TTC7A: variants seen among roughly 807,000 people sequenced by gnomAD.
The protein encoded by TTC7A is tetratricopeptide repeat protein 7A.
TTC7A carries 110 observed loss-of-function variants against 103.7 expected under a neutral mutation model. The ratio of observed to expected loss-of-function variants is 1.06; its 90% CI spans 0.91 to 1.24. The LOEUF is 1.24. Ranked by LOEUF, TTC7A falls within the 50% of genes most tolerant of loss-of-function variation. The pLI, the probability that TTC7A is intolerant of heterozygous loss-of-function variation, is 0.00. For missense variants in TTC7A, 1,340 were observed against 1,116.3 expected, an observed-to-expected ratio of 1.20 and a Z score of -2.86; for synonymous variants, 521 against 467.9, an observed-to-expected ratio of 1.11 and a Z score of -1.47.
rs186874937 is a variant in TTC7A at position 47,031,476 on chromosome 2, C to G, written c.1802+2092C>G. Among the ~76,000 whole-genome samples the G allele has an allele frequency of 7.9e-4, 120 of 152,184 alleles. 1 individual carries two copies. The highest frequency in any genetic ancestry group is 2.7e-3 in the African/African-American group (113 of 41,526). The stretch of plus-strand genomic sequence containing the variant: ...ACTTCAGTTAGGCTTCATCGGAAAC[C>G]GAAATGGCCAAGCAGAAAGATTTAG... On this transcript the variant is annotated intron_variant, in intron 15 of 19. Transcript: ENST00000319190.
upstream of TTC7A, among the ~76,000 whole-genome samples, chr2:46,940,771 C>T (rs2103878736): frequency 6.6e-6 from 1 of 152,344 alleles, no homozygotes; most frequent in Non-Finnish European, 1.5e-5. The surrounding 1 kb of genome is among the most constrained non-coding windows in gnomAD (Gnocchi z 4.7). Context: ...GCGAGCATGC[C>T]TGGCCCGCAT....
At chr2:46,992,408 C>A (rs1331755562) in intron 5 of TTC7A, among the ~76,000 whole-genome samples, 1 of 152,154 alleles carries the variant, frequency 6.6e-6, no homozygotes, top group African/African-American at 2.4e-5. Context: ...GAGGAGGTGA[C>A]ATTGGAACTT....
intron 14 of TTC7A, among the ~76,000 whole-genome samples, chr2:47,028,131 G>A (rs1001115831): frequency 2.0e-5 from 3 of 152,102 alleles, no homozygotes; most frequent in Non-Finnish European, 2.9e-5. Context: ...GTGTTGTGTT[G>A]TGCTGAGAAT....
At chr2:47,061,820 C>T (rs1439472373) in intron 19 of TTC7A, among the ~76,000 whole-genome samples, 1 of 151,992 alleles carries the variant, frequency 6.6e-6, no homozygotes. Context: ...GAACATGTAT[C>T]CGGATAAATA....
At chr2:46,995,094 G>A in intron 7 of TTC7A, 42 bp from the exon 8 acceptor site, 1 of 1,603,004 alleles carries the variant, frequency 6.2e-7, no homozygotes, top group Non-Finnish European at 8.5e-7. Flanking sequence ...GCTGTCTGGT[G>A]AGGTGTGTGC....
At chr2:47,073,644 C>G (rs1352087852) in intron 19 of TTC7A, 58 bp from the exon 20 acceptor site, 6 of 1,517,346 alleles carry the variant, frequency 4.0e-6, no homozygotes, top group Non-Finnish European at 5.5e-6. Flanking sequence ...GGCCCAGTTG[C>G]CAAGATGCCT....
intron 14 of TTC7A, among the ~76,000 whole-genome samples, chr2:47,026,291 A>T (rs1326221835): frequency 6.6e-6 from 1 of 152,218 alleles, no homozygotes; most frequent in Non-Finnish European, 1.5e-5. Context: ...GCTCTAGCAG[A>T]GTCACCAGCA....
At chr2:47,034,554 G>A (rs1023678078) in intron 15 of TTC7A, among the ~76,000 whole-genome samples, 2 of 152,288 alleles carry the variant, frequency 1.3e-5, no homozygotes, top group East Asian at 1.9e-4. Context: ...TTGTAGTGAA[G>A]GTCACCATAG....
chr2:46,943,098 G>A lies in TTC7A; in HGVS notation c.184+1373G>A, dbSNP rs571415307. 5.3e-5 allele frequency among the ~76,000 whole-genome samples: 8 copies of A among 152,226 alleles called. No homozygotes were observed. The South Asian group carries it at 1.7e-3, about 32-fold the overall frequency. ...TTTTTGCAGTTTTAGTAGAGACGGG[G>A]TTTCGCCATGTTGCCCAGGCTGATC... On this transcript the variant is annotated intron_variant, in intron 1 of 19. Coordinates refer to ENST00000319190, the MANE Select transcript of TTC7A (RefSeq NM_020458.4).
intron 11 of TTC7A, among the ~76,000 whole-genome samples, chr2:47,018,683 G>A (rs999791110): frequency 4.6e-5 from 7 of 150,840 alleles, no homozygotes; most frequent in Non-Finnish European, 8.8e-5. Flanking sequence ...ATCTACATAT[G>A]TAAATATATA....
rs531650907 is a variant in TTC7A at position 46,982,875 on chromosome 2, G to A, written c.764+3968G>A. 6.6e-5 allele frequency among the ~76,000 whole-genome samples: 10 copies of A among 152,184 alleles called. No individual in the cohort carries two copies. In the South Asian group the frequency reaches 1.2e-3, roughly 19 times the overall value. ...CTAGCTGCTCGGGAGGCTGAGGTAGGAAGATTGCTTGAGCCCAGGAGATCG... is the reference window on the plus strand; with the variant it reads ...CTAGCTGCTCGGGAGGCTGAGGTAGAAAGATTGCTTGAGCCCAGGAGATCG... On this transcript the variant is annotated intron_variant, in intron 5 of 19. Coordinates refer to ENST00000319190, the MANE Select transcript of TTC7A (RefSeq NM_020458.4).
At chr2:47,049,141 C>G (rs980218129) in intron 16 of TTC7A, among the ~76,000 whole-genome samples, 4 of 152,120 alleles carry the variant, frequency 2.6e-5, no homozygotes, top group African/African-American at 9.7e-5. Context: ...ACCTTCTTGC[C>G]CAGGCTTGGC....
intron 19 of TTC7A, among the ~76,000 whole-genome samples, chr2:47,065,203 C>T (rs1387114215): frequency 2.6e-5 from 4 of 152,328 alleles, no homozygotes; most frequent in African/African-American, 4.8e-5. Context: ...AGGAGAATGG[C>T]GTGAACCTGG....
chr2:47,000,018 A>C lies in TTC7A; in HGVS notation c.1065+4819A>C, dbSNP rs553445803. Reference sequence around the variant, plus strand: ...TCTGTGTGGCCTGGTTGAGCTTCTTACCACCCTGAGCCTCGGTTTTCTCAT... The same window carrying C: ...TCTGTGTGGCCTGGTTGAGCTTCTTCCCACCCTGAGCCTCGGTTTTCTCAT... On this transcript the variant is annotated intron_variant, in intron 8 of 19. Transcript: ENST00000319190. 1.1e-4 allele frequency: 61 copies of C among 547,758 alleles called. No homozygotes were observed. The African/African-American group carries it at 1.2e-3, about 10-fold the overall frequency. 33.9% of individuals were successfully genotyped at this position (547,758 alleles called of 1,614,324 possible). A position where few individuals can be genotyped will look rare whatever the true frequency, so the allele number is the denominator to read the frequency against.
rs1685162453 is a variant in TTC7A at position 47,075,735 on chromosome 2, T to G, written c.*1812T>G. On this transcript the variant is annotated 3_prime_UTR_variant, in exon 20 of 20. Transcript: ENST00000319190. ...AGGAAGGATGGGAGGGAGGACCCTC[T>G]GGGAAAATGTGGATTTGAGCTGGTG... The G allele has an allele frequency of 6.6e-6, 1 of 152,372 alleles. No individual in the cohort carries two copies. Among genetic ancestry groups the G allele is most frequent in the African/African-American group, 2.4e-5 (1 of 41,440 alleles). 9.4% of individuals were successfully genotyped at this position (152,372 alleles called of 1,614,324 possible).
chr2:46,977,240 T>C (rs1673969479), intron 4 of TTC7A, among the ~76,000 whole-genome samples: 1 of 152,204 alleles, frequency 6.6e-6, no homozygotes, highest in Non-Finnish European at 1.5e-5. Flanking sequence ...CTATAGTTGT[T>C]ATCTAAGTTG....
chr2:47,063,630 C>G (rs1443589436), intron 19 of TTC7A, among the ~76,000 whole-genome samples: 2 of 152,238 alleles, frequency 1.3e-5, no homozygotes, highest in East Asian at 1.9e-4. Flanking sequence ...GAAGGTATCC[C>G]TGCTGTGGAG....
chr2:47,032,180 G>T (rs977638047), intron 15 of TTC7A, among the ~76,000 whole-genome samples: 1 of 152,222 alleles, frequency 6.6e-6, no homozygotes, highest in Non-Finnish European at 1.5e-5. Flanking sequence ...GAGGCCCAAG[G>T]GTGGACATCT....
intron 19 of TTC7A, among the ~76,000 whole-genome samples, chr2:47,071,664 C>T (rs1254439325): frequency 5.9e-5 from 9 of 152,102 alleles, no homozygotes; most frequent in Non-Finnish European, 1.0e-4. Flanking sequence ...CCAGGGCTTC[C>T]GGCCAGCAAG....
Sources: gnomAD v4.1 joint callset for allele counts (sites outside exome capture counted in the v4.1 genomes callset) on GRCh38, gnomAD v4.1.1 for gene constraint, Gnocchi (gnomAD v3.1) non-coding constraint, MANE v1.5 for transcripts, NCBI Gene and HGNC (gene_info 2026-07-23, HGNC 2026-07-21) for gene names.